The following HPSE2 variants were observed in gnomAD, a reference collection of about 807,000 sequenced individuals.
HPSE2 encodes heparanase 2 (inactive), also known as inactive heparanase-2.
HPSE2 carries 38 observed loss-of-function variants against 60.5 expected under a neutral mutation model. That is an observed-to-expected ratio of 0.63 (90% confidence interval 0.48 to 0.82). HPSE2 has a LOEUF of 0.82. HPSE2 is among the 40% of genes least tolerant of loss of function. The pLI, the probability that HPSE2 is intolerant of heterozygous loss-of-function variation, is 0.00. For synonymous variants in HPSE2, 295 were observed against 293.2 expected (o/e 1.01, Z -0.06); for missense variants, 713 against 740.4 (o/e 0.96, Z 0.43).
At chr10:99,008,162 T>G (rs1214529280) in intron 3 of HPSE2, among the ~76,000 whole-genome samples, 1 of 152,214 alleles carries the variant, frequency 6.6e-6, no homozygotes, top group Non-Finnish European at 1.5e-5. Flanking sequence ...CTCCTGATCT[T>G]GTTTACATGT....
chr10:99,148,244 T>G lies in HPSE2; in HGVS notation c.449-3845A>C, dbSNP rs376018561. Among the ~76,000 whole-genome samples, 16 of 152,336 alleles carry G rather than the reference T, an allele frequency of 1.1e-4. No homozygotes were observed. In the South Asian group the frequency reaches 1.4e-3, roughly 14 times the overall value. On this transcript the variant is annotated intron_variant, in intron 2 of 11. Coordinates refer to ENST00000370552, the MANE Select transcript of HPSE2 (RefSeq NM_021828.5). ...CCTGGCTTGGTATTCACTTATTAGT[T>G]ACAAAAGTGGCAGACAAAACACCTT...
chr10:99,298,571 A>C, the HPSE2 span, among the ~76,000 whole-genome samples: 1 of 152,220 alleles, frequency 6.6e-6, no homozygotes, highest in African/African-American at 2.4e-5. Flanking sequence ...AAATCAACAA[A>C]TCTGGCCTAG....
At chr10:99,178,179 A>G (rs1847608252) in intron 2 of HPSE2, among the ~76,000 whole-genome samples, 1 of 151,866 alleles carries the variant, frequency 6.6e-6, no homozygotes, top group African/African-American at 2.4e-5. Flanking sequence ...AAGATCTAAA[A>G]TCAACACTGT....
chr10:99,210,722 C>T (rs1848925515), intron 2 of HPSE2, among the ~76,000 whole-genome samples: 2 of 152,094 alleles, frequency 1.3e-5, no homozygotes, highest in African/African-American at 4.8e-5. Context: ...ATTTTATGCC[C>T]TTTTATGATA....
intron 3 of HPSE2, among the ~76,000 whole-genome samples, chr10:99,088,620 C>T (rs145620859): frequency 5.3e-5 from 8 of 152,210 alleles, no homozygotes; most frequent in Middle Eastern, 3.4e-3. Context: ...GGCATTTGGG[C>T]GGGTTCCACA....
the HPSE2 span, among the ~76,000 whole-genome samples, chr10:99,276,665 T>G: frequency 6.6e-6 from 1 of 152,128 alleles, no homozygotes; most frequent in East Asian, 1.9e-4. Flanking sequence ...CTATTAGTAA[T>G]AGCAGACAAG....
chr10:98,578,909 G>A (rs575834410), intron 9 of HPSE2, among the ~76,000 whole-genome samples: 53 of 152,182 alleles, frequency 3.5e-4, no homozygotes, highest in African/African-American at 1.2e-3. Context: ...TTCAGAACAG[G>A]AAAACCCCTG....
chr10:98,591,969 T>G (rs1292929676), intron 9 of HPSE2, among the ~76,000 whole-genome samples: 1 of 152,192 alleles, frequency 6.6e-6, no homozygotes, highest in African/African-American at 2.4e-5. Context: ...AAAACACTTT[T>G]AGGCAAGACT....
intron 6 of HPSE2, among the ~76,000 whole-genome samples, chr10:98,660,349 G>A (rs920115905): frequency 6.6e-6 from 1 of 152,116 alleles, no homozygotes; most frequent in Non-Finnish European, 1.5e-5. Flanking sequence ...AGAACTGGAA[G>A]GGACTACATG....
At chr10:98,766,334 T>C (rs1015423563) in intron 3 of HPSE2, among the ~76,000 whole-genome samples, 1 of 152,216 alleles carries the variant, frequency 6.6e-6, no homozygotes, top group African/African-American at 2.4e-5. Context: ...TTGATTTCAC[T>C]GCTGACACCA....
chr10:99,018,146 C>T (rs1957183025), intron 3 of HPSE2, among the ~76,000 whole-genome samples: 1 of 152,142 alleles, frequency 6.6e-6, no homozygotes, highest in South Asian at 2.1e-4. Flanking sequence ...GCAAATATCC[C>T]CTGGGAAGAG....
At chr10:99,127,437 A>G (rs1315924404) in intron 3 of HPSE2, among the ~76,000 whole-genome samples, 1 of 152,184 alleles carries the variant, frequency 6.6e-6, no homozygotes, top group Non-Finnish European at 1.5e-5. Flanking sequence ...CCAATCGGAC[A>G]AAGACTAAGA....
the HPSE2 span, among the ~76,000 whole-genome samples, chr10:99,308,062 T>C: frequency 6.6e-6 from 1 of 151,994 alleles, no homozygotes; most frequent in African/African-American, 2.4e-5. Flanking sequence ...TACATGAATG[T>C]TCAAAGCAAC....
intron 6 of HPSE2, among the ~76,000 whole-genome samples, chr10:98,644,039 T>C (rs1407534416): frequency 6.6e-6 from 1 of 152,184 alleles, no homozygotes; most frequent in Non-Finnish European, 1.5e-5. Context: ...TTTCAGTAGG[T>C]AGGATTTCCT....
intron 3 of HPSE2, among the ~76,000 whole-genome samples, chr10:99,002,829 T>C (rs768450767): frequency 6.6e-6 from 1 of 152,126 alleles, no homozygotes; most frequent in Non-Finnish European, 1.5e-5. Context: ...TATGTATACA[T>C]GGTGGAATGG....
intron 6 of HPSE2, among the ~76,000 whole-genome samples, chr10:98,647,297 G>A (rs1458582794): frequency 1.3e-5 from 2 of 152,216 alleles, no homozygotes; most frequent in African/African-American, 4.8e-5. Context: ...AACATTTAAT[G>A]AGGAGAGTTT....
At chr10:98,739,877 A>AT (rs1949453221) in intron 4 of HPSE2, among the ~76,000 whole-genome samples, 3 of 152,138 alleles carry the variant, frequency 2.0e-5, no homozygotes, top group Admixed American at 6.5e-5. Context: ...AATTTTTGTG[A>AT]TTAAGTATAG....
At chr10:99,305,979 G>GCGCACGCACACACACACACACACA in the HPSE2 span, among the ~76,000 whole-genome samples, 1 of 80,580 alleles carries the variant, frequency 1.2e-5, no homozygotes, top group African/African-American at 5.4e-5. Flanking sequence ...GCGCGCGCGC[G>GCGCACGCACACACACACACACACA]CACACACACA....
At chr10:98,688,703 T>A (rs1282929989) in intron 6 of HPSE2, among the ~76,000 whole-genome samples, 5 of 151,896 alleles carry the variant, frequency 3.3e-5, no homozygotes, top group Non-Finnish European at 7.4e-5. Context: ...CTTGAACTCC[T>A]GACCTCAGGT....
Sources: allele counts gnomAD v4.1 joint callset (sites outside exome capture counted in the v4.1 genomes callset), GRCh38; gene constraint gnomAD v4.1.1; transcripts MANE v1.5; gene names NCBI Gene and HGNC (gene_info 2026-07-23, HGNC 2026-07-21).